ACSF3: variants seen among roughly 807,000 people sequenced by gnomAD.
ACSF3 encodes the protein acyl-CoA synthetase family member 3.
In ACSF3, 78 loss-of-function variants were observed where a neutral mutation model predicts 53.2. The observed-to-expected ratio is 1.47, with a 90% confidence interval of 1.22 to 1.77. The LOEUF (loss-of-function observed/expected upper bound fraction) is 1.77. Ranked by LOEUF, ACSF3 falls within the 40% of genes most tolerant of loss-of-function variation. ACSF3 has a pLI of 0.00. For missense variants in ACSF3, 937 were observed against 771.1 expected (o/e 1.22, Z -2.55); for synonymous variants, 414 against 333.1 (o/e 1.24, Z -2.65).
chr16:89,099,185 C>T (rs763925225), intron 2 of ACSF3, among the ~76,000 whole-genome samples: 4 of 152,246 alleles, frequency 2.6e-5, no homozygotes, highest in African/African-American at 7.2e-5. Context: ...GGCCTGTGTC[C>T]GCATCCTGGG....
chr16:89,101,119 C>T lies in ACSF3; in HGVS notation c.438C>T (p.Val146=), dbSNP rs1381436509. 3.1e-6 allele frequency: 5 copies of T among 1,614,104 alleles called. No homozygotes were observed. The highest frequency in any genetic ancestry group is 1.6e-4 in the Middle Eastern group (1 of 6,062). The change falls in exon 3 of 11, where the codon GTC becomes GTT. Residue 146 remains valine, a synonymous_variant. Transcript: ENST00000614302. ...TCTGCGACTCCCAGAGCTCTGTGGT[C>T]CTTGCCAGCCAGGAGTACCTGGAGC... The part of the protein sequence containing the change: ...YVICDSQSSV[V]LASQEYLELL...
chr16:89,148,486 C>G (rs1049627196), intron 10 of ACSF3: 2 of 152,234 alleles, frequency 1.3e-5, no homozygotes, highest in African/African-American at 2.4e-5. Flanking sequence ...GCTCCCAAGG[C>G]CATGGGTATC....
At chr16:89,101,718 G>A (rs375699528) in intron 3 of ACSF3, among the ~76,000 whole-genome samples, 183 of 152,326 alleles carry the variant, frequency 1.2e-3, no homozygotes, top group African/African-American at 3.9e-3. Context: ...GGTCTTACTC[G>A]TTTTTTGTGT....
chr16:89,098,546 G>A (rs575704599), intron 1 of ACSF3, 45 bp from the exon 2 acceptor site: 27 of 425,800 alleles, frequency 6.3e-5, no homozygotes, highest in African/African-American at 3.6e-4. Flanking sequence ...TGTGGGAAGC[G>A]TTATACACAC....
chr16:89,119,292 C>T (rs907214042), intron 6 of ACSF3, among the ~76,000 whole-genome samples: 1 of 152,216 alleles, frequency 6.6e-6, no homozygotes, highest in African/African-American at 2.4e-5. Context: ...TGCGCTGCGT[C>T]CCCGCCCCAG....
At chr16:89,097,584 T>C (rs888417413) in intron 1 of ACSF3, among the ~76,000 whole-genome samples, 2 of 152,152 alleles carry the variant, frequency 1.3e-5, no homozygotes, top group African/African-American at 4.8e-5. Flanking sequence ...CGGTTGGAAG[T>C]GAGGAAGGAA....
At chr16:89,135,633 C>T (rs12934720) in intron 8 of ACSF3, among the ~76,000 whole-genome samples, 30,339 of 152,244 alleles carry the variant, frequency 0.2, 3,406 homozygotes, top group East Asian at 0.39. Context: ...GCATGCTGAT[C>T]TGGGGAAACA....
At chr16:89,152,855 A>G (rs1914260416) in intron 10 of ACSF3, 1 of 152,206 alleles carries the variant, frequency 6.6e-6, no homozygotes, top group Admixed American at 6.5e-5. Flanking sequence ...ACTCTGGCCC[A>G]GGCAACAGTG....
chr16:89,127,403 C>G (rs1908351758), intron 7 of ACSF3, among the ~76,000 whole-genome samples: 1 of 152,080 alleles, frequency 6.6e-6, no homozygotes. Flanking sequence ...CTCGTTCTGT[C>G]ACGCAGGCTG....
At chr16:89,094,631 G>C (rs575748312) in intron 1 of ACSF3, among the ~76,000 whole-genome samples, 8 of 152,326 alleles carry the variant, frequency 5.3e-5, no homozygotes, top group African/African-American at 1.7e-4. Flanking sequence ...AGTGGCTCAT[G>C]CCTGTAATCC....
chr16:89,141,274 C>G (rs941269010), intron 8 of ACSF3: 2 of 1,287,214 alleles, frequency 1.6e-6, no homozygotes, highest in African/African-American at 1.5e-5. Flanking sequence ...CACAGCAAGG[C>G]GGGTGAGGCG....
intron 10 of ACSF3, among the ~76,000 whole-genome samples, chr16:89,146,880 A>T (rs1597253957): frequency 6.6e-6 from 1 of 152,156 alleles, no homozygotes; most frequent in Non-Finnish European, 1.5e-5. Flanking sequence ...GGCCTTGTCA[A>T]AGGCCGTCAG....
intron 3 of ACSF3, among the ~76,000 whole-genome samples, chr16:89,101,874 G>A (rs1288934729): frequency 3.3e-5 from 5 of 152,260 alleles, no homozygotes; most frequent in African/African-American, 9.6e-5. Flanking sequence ...GGCAGGAAGT[G>A]TACCCCACGG....
At chr16:89,153,377 G>T (rs1468009158) in intron 10 of ACSF3, 1 of 155,066 alleles carries the variant, frequency 6.4e-6, no homozygotes, top group African/African-American at 2.4e-5. Flanking sequence ...TCAGATCCCA[G>T]CGCCTCGTCC....
intron 4 of ACSF3, among the ~76,000 whole-genome samples, chr16:89,109,667 C>T (rs1976455032): frequency 6.6e-6 from 1 of 152,172 alleles, no homozygotes; most frequent in Admixed American, 6.5e-5. Flanking sequence ...CTGCCTCAGC[C>T]TCCCAAAATG....
intron 3 of ACSF3, among the ~76,000 whole-genome samples, chr16:89,101,770 A>G (rs1975374433): frequency 1.3e-5 from 2 of 152,216 alleles, no homozygotes; most frequent in Non-Finnish European, 2.9e-5. Flanking sequence ...CTCTCCAACC[A>G]CATCACTTAC....
chr16:89,125,906 G>A (rs1008926517), intron 7 of ACSF3, among the ~76,000 whole-genome samples: 18 of 151,606 alleles, frequency 1.2e-4, no homozygotes, highest in African/African-American at 3.2e-4. Flanking sequence ...ACTTAGATCC[G>A]TGAACCTGGT....
intron 4 of ACSF3, among the ~76,000 whole-genome samples, chr16:89,107,848 G>A (rs952790023): frequency 3.3e-5 from 5 of 152,022 alleles, no homozygotes; most frequent in African/African-American, 1.2e-4. Context: ...TGTTTCATAC[G>A]CCCCCAGCCC....
At position 89,102,773 on chromosome 16, in the gene ACSF3, A is replaced by G. The variant is rs759956777; in HGVS notation, c.822+14A>G. The G allele has an allele frequency of 1.2e-6, 2 of 1,602,712 alleles. No individual in the cohort carries two copies. The highest frequency in any genetic ancestry group is 1.7e-6 in the Non-Finnish European group (2 of 1,174,536). ...AGCCCTCAGCAGGTGAGTTGGGGTCAGGGCTCTCGGTTGCACCCTCAGACT... is the reference window on the plus strand; with the variant it reads ...AGCCCTCAGCAGGTGAGTTGGGGTCGGGGCTCTCGGTTGCACCCTCAGACT... On this transcript the variant is annotated intron_variant, in intron 4 of 10. Coordinates refer to ENST00000614302, the MANE Select transcript of ACSF3 (RefSeq NM_001243279.3).
Sources: gnomAD v4.1 joint callset for allele counts (sites outside exome capture counted in the v4.1 genomes callset) on GRCh38, gnomAD v4.1.1 for gene constraint, MANE v1.5 for transcripts, NCBI Gene and HGNC (gene_info 2026-07-23, HGNC 2026-07-21) for gene names.